The following LDB3 variants were observed in gnomAD, a reference collection of about 807,000 sequenced individuals.
LDB3 encodes LIM domain binding 3.
Under a neutral mutation model 69.0 loss-of-function variants are expected in LDB3, and 49 were observed. The observed-to-expected ratio is 0.71, with a 90% CI of 0.56 to 0.90. The LOEUF (loss-of-function observed/expected upper bound fraction) is 0.90, where lower values mean the gene tolerates loss of function less well. LDB3 is among the 40% of genes least tolerant of loss of function. LDB3 has a pLI of 0.00. For synonymous variants in LDB3, 387 were observed against 396.2 expected, an observed-to-expected ratio of 0.98 and a Z score of 0.28; for missense variants, 928 against 974.1, an observed-to-expected ratio of 0.95 and a Z score of 0.63.
chr10:86,709,889 C>A lies in LDB3; in HGVS notation c.1086-16C>A. 6.2e-7 allele frequency: 1 copy of A among 1,607,350 alleles called. No individual in the cohort carries two copies. Among genetic ancestry groups the A allele is most frequent in the Non-Finnish European group, 8.5e-7 (1 of 1,179,918 alleles). Reference sequence around the variant, plus strand: ...GGCTGTCCTTCTGGGTGTAACCCCTCCCCGCTTGGTTCCAGGCCCCAGGCC... The same window carrying A: ...GGCTGTCCTTCTGGGTGTAACCCCTACCCGCTTGGTTCCAGGCCCCAGGCC... On this transcript the variant is annotated splice_polypyrimidine_tract_variant and intron_variant, in intron 8 of 13. Transcript: ENST00000361373.
rs961087232 is a variant in LDB3 at position 86,699,187 on chromosome 10, C to T, written c.896+6616C>T. ...GACAGGGGAATGGTGAACACATTCCCTAACCCCTTTCATTCTCCCTCTCTT... is the reference window on the plus strand; with the variant it reads ...GACAGGGGAATGGTGAACACATTCCTTAACCCCTTTCATTCTCCCTCTCTT... On this transcript the variant is annotated intron_variant, in intron 7 of 13. Coordinates refer to ENST00000361373, the MANE Select transcript of LDB3 (RefSeq NM_007078.3). The surrounding 1 kb of genome is among the most constrained non-coding windows in gnomAD (Gnocchi z 4.9). 6.0e-6 allele frequency: 9 copies of T among 1,505,750 alleles called. No individual in the cohort carries two copies. Among genetic ancestry groups the T allele is most frequent in the East Asian group, 2.3e-5 (1 of 44,130 alleles). The allele number at this position is 1,505,750 out of a possible 1,614,324, so 93.3% of individuals were successfully genotyped here.
chr10:86,668,411 G>T (rs1264590308), upstream of LDB3: 2 of 526,678 alleles, frequency 3.8e-6, no homozygotes, highest in Non-Finnish European at 3.5e-6. Flanking sequence ...TGGTGGACCG[G>T]CTGGGAGGCG....
At chr10:86,674,265 C>T (rs929963692) in intron 2 of LDB3, among the ~76,000 whole-genome samples, 2 of 152,230 alleles carry the variant, frequency 1.3e-5, no homozygotes, top group Non-Finnish European at 2.9e-5. Flanking sequence ...TCACAACAAT[C>T]CCGAGAAAGG....
At position 86,680,176 on chromosome 10, in the gene LDB3, G is replaced by C. The variant is rs147246015; in HGVS notation, c.321+19G>C. 21 of 1,609,650 alleles carry C rather than the reference G, an allele frequency of 1.3e-5. No homozygotes were observed. The South Asian group carries it at 2.0e-4, about 15-fold the overall frequency. On this transcript the variant is annotated intron_variant, in intron 4 of 13. Transcript: ENST00000361373. Reference sequence around the variant, plus strand: ...CCAGAAGGTAGGTGCTGACTGTGGCGGCGGGGTCCACTCAGCCCTGGTTCC... The same window carrying C: ...CCAGAAGGTAGGTGCTGACTGTGGCCGCGGGGTCCACTCAGCCCTGGTTCC...
At chr10:86,677,931 G>C (rs993970689) in intron 2 of LDB3, among the ~76,000 whole-genome samples, 3 of 152,220 alleles carry the variant, frequency 2.0e-5, no homozygotes, top group South Asian at 2.1e-4. Context: ...CTGTGTCTTA[G>C]CTGCTGCATC....
intron 5 of LDB3, among the ~76,000 whole-genome samples, chr10:86,686,806 C>CAGA (rs1845496000): frequency 7.5e-6 from 1 of 133,176 alleles, no homozygotes; most frequent in Non-Finnish European, 1.6e-5. Flanking sequence ...GACCCTGTAT[C>CAGA]AAAAAAAAAA....
intron 13 of LDB3, among the ~76,000 whole-genome samples, chr10:86,727,321 T>G (rs1167694371): frequency 6.6e-6 from 1 of 151,848 alleles, no homozygotes; most frequent in African/African-American, 2.4e-5. Flanking sequence ...CACGCCTGGC[T>G]GATTTGGGAA....
At position 86,716,529 on chromosome 10, in the gene LDB3, C is replaced by T. The variant is rs1273006981; in HGVS notation, c.1434C>T (p.Ser478=). The T allele has an allele frequency of 4.3e-6, 7 of 1,613,266 alleles. No homozygotes were observed. Among genetic ancestry groups the T allele is most frequent in the East Asian group, 2.2e-5 (1 of 44,806 alleles). ...ACCCTGCACCCTCGGTGGCCTACAG[C>T]GGGGGCCCTGCGGAGCCTGCCAGCC... ...NYNPAPSVAY[S]GGPAEPASRP... is the part of the protein sequence containing the mutation. Residue 478 remains serine (S), a synonymous_variant, in exon 10 of 14, where the codon AGC becomes AGT. Transcript: ENST00000361373.
At chr10:86,685,613 C>A in intron 5 of LDB3, 1 of 1,568,846 alleles carries the variant, frequency 6.4e-7, no homozygotes, top group Non-Finnish European at 8.8e-7. Flanking sequence ...GGCCCCGGCG[C>A]TCAAACTGCC....
At chr10:86,670,839 C>T (rs1188963471) in intron 2 of LDB3, among the ~76,000 whole-genome samples, 1 of 152,224 alleles carries the variant, frequency 6.6e-6, no homozygotes, top group Non-Finnish European at 1.5e-5. Context: ...TGGAGCCTTC[C>T]CCAGGGCTCG....
intron 5 of LDB3, among the ~76,000 whole-genome samples, chr10:86,684,979 C>T (rs970880800): frequency 6.6e-6 from 1 of 152,210 alleles, no homozygotes; most frequent in Non-Finnish European, 1.5e-5. Flanking sequence ...GGCTGTTGAG[C>T]TCACACTTCT....
intron 13 of LDB3, among the ~76,000 whole-genome samples, chr10:86,730,888 C>T (rs1847429801): frequency 6.6e-6 from 1 of 152,118 alleles, no homozygotes; most frequent in Non-Finnish European, 1.5e-5. Context: ...CGTGGTGGCT[C>T]ACGCCTGTAA....
intron 9 of LDB3, among the ~76,000 whole-genome samples, chr10:86,710,761 T>G (rs1000048881): frequency 2.6e-5 from 4 of 152,208 alleles, no homozygotes; most frequent in African/African-American, 9.6e-5. Flanking sequence ...CAGGCCTTGC[T>G]TCGGGGCGCT....
Position 86,668,749 on chromosome 10 carries a change from G to A in LDB3, c.58G>A (p.Gly20Ser). ...PGPWGFRLQG[G>S]KDFNMPLTIS... is the part of the protein sequence containing the mutation. ...GCCCTGGGGCTTCCGTCTGCAGGGG[G>A]GCAAGGACTTCAACATGCCCCTCAC... is the stretch of plus-strand genomic sequence containing the variant. The change falls in exon 2 of 14, where the codon GGC becomes AGC. Residue 20 changes from glycine (G) to serine (S), a missense_variant. By Grantham distance (56) the Gly-to-Ser change is moderately conservative. Transcript: ENST00000361373. 6.2e-7 allele frequency: 1 copy of A among 1,613,328 alleles called. No individual in the cohort carries two copies. Among genetic ancestry groups the A allele is most frequent in the Non-Finnish European group, 8.5e-7 (1 of 1,180,008 alleles).
At chr10:86,712,715 TAAAAG>T (rs974866836) in intron 9 of LDB3, among the ~76,000 whole-genome samples, 18 of 152,182 alleles carry the variant, frequency 1.2e-4, no homozygotes, top group Admixed American at 1.3e-4. Context: ...TTTTAAAAAA[TAAAAG>T]AAAGCAAGTT....
chr10:86,722,181 C>T (rs4620630), intron 12 of LDB3, among the ~76,000 whole-genome samples: 28,563 of 152,190 alleles, frequency 0.19, 3,304 homozygotes, highest in East Asian at 0.57. Flanking sequence ...TTCTCCAAAT[C>T]ATATGGAATC....
chr10:86,678,358 A>T (rs1182227478), intron 2 of LDB3, among the ~76,000 whole-genome samples: 7 of 104,614 alleles, frequency 6.7e-5, no homozygotes, highest in Non-Finnish European at 1.3e-4. Context: ...TTTTTTTTTT[A>T]AGACCGAGTC....
At chr10:86,722,273 G>GTTTT (rs1474184436) in intron 12 of LDB3, among the ~76,000 whole-genome samples, 1 of 152,124 alleles carries the variant, frequency 6.6e-6, no homozygotes, top group African/African-American at 2.4e-5. Flanking sequence ...GTTTTGTTTT[G>GTTTT]TTTTTGAGAC....
At chr10:86,697,185 T>A (rs1026470309) in intron 7 of LDB3, among the ~76,000 whole-genome samples, 2 of 151,174 alleles carry the variant, frequency 1.3e-5, no homozygotes, top group Non-Finnish European at 2.9e-5. Flanking sequence ...TTAAAGTTGC[T>A]CTTCCTGATT....
Sources: gnomAD v4.1 joint callset for allele counts (sites outside exome capture counted in the v4.1 genomes callset) on GRCh38, gnomAD v4.1.1 for gene constraint, Gnocchi (gnomAD v3.1) non-coding constraint, MANE v1.5 for transcripts, NCBI Gene and HGNC (gene_info 2026-07-23, HGNC 2026-07-21) for gene names.